Variants in PIK3C3 observed in about 807,000 individuals in gnomAD.
PIK3C3 encodes the protein phosphatidylinositol 3-kinase catalytic subunit type 3.
A neutral mutation model predicts 126.1 loss-of-function variants in PIK3C3; 95 were observed. That is an observed-to-expected ratio of 0.75 (90% confidence interval 0.64 to 0.89). The LOEUF is 0.89. PIK3C3 is among the 40% of genes least tolerant of loss of function. PIK3C3 has a pLI of 0.00. For synonymous variants in PIK3C3, 374 were observed against 360.0 expected (o/e 1.04, Z -0.44); for missense variants, 829 against 1,063.2 (o/e 0.78, Z 3.06).
At chr18:41,961,289 C>CT (rs1183491879) in intron 2 of PIK3C3, among the ~76,000 whole-genome samples, 18 of 152,104 alleles carry the variant, frequency 1.2e-4, no homozygotes, top group African/African-American at 4.3e-4. Flanking sequence ...TGTTAATTAA[C>CT]TTCTGTGGTT....
chr18:42,034,017 G>A, intron 16 of PIK3C3, 60 bp downstream of exon 16: 1 of 1,206,378 alleles, frequency 8.3e-7, no homozygotes, highest in Non-Finnish European at 1.2e-6. Flanking sequence ...CTAGATCAGA[G>A]ATACTACCTT....
In PIK3C3 at chr18:41,995,922, T is replaced by C. The variant is rs1982001622; in HGVS notation, c.819T>C (p.Leu273=). ...ENLVESKHHK[L]ARSLRSGPSD... is the part of the protein sequence containing the mutation. Reference sequence around the variant, plus strand: ...TAGTTGAGAGCAAACACCACAAGCTTGCCCGGAGTTTAAGAAGTGGACCTT... The same window carrying C: ...TAGTTGAGAGCAAACACCACAAGCTCGCCCGGAGTTTAAGAAGTGGACCTT... The change falls in exon 8 of 25, where the codon CTT becomes CTC. Residue 273 remains leucine, a synonymous_variant. Transcript: ENST00000262039. 1.9e-6 allele frequency: 3 copies of C among 1,613,058 alleles called. No individual in the cohort carries two copies. The East Asian group carries it at 6.7e-5, about 36-fold the overall frequency.
chr18:41,986,516 A>G (rs1317463937), intron 4 of PIK3C3, among the ~76,000 whole-genome samples: 2 of 152,022 alleles, frequency 1.3e-5, no homozygotes, highest in Non-Finnish European at 2.9e-5. Context: ...CTTGAATTTT[A>G]TTGATGTGGG....
At position 42,067,459 on chromosome 18, in the gene PIK3C3, G is replaced by C. The variant is rs1305165271; in HGVS notation, c.2595G>C (p.Glu865Asp). ...ATTACATGCAGAGTCTGATTGATGAGAGTGTCCATGCTCTTTTTGCTGCAG... is the reference window on the plus strand; with the variant it reads ...ATTACATGCAGAGTCTGATTGATGACAGTGTCCATGCTCTTTTTGCTGCAG... ...AVHYMQSLID[E>D]SVHALFAAVV... Residue 865 changes from glutamate (E) to aspartate (D), a missense_variant, in exon 24 of 25, where the codon GAG (glutamate) becomes GAC (aspartate). By Grantham distance (45) the Glu-to-Asp change is conservative (BLOSUM62 2). Around this residue, in one of 4 missense-constraint regions of PIK3C3, gnomAD observed 196 missense variants for 312.8 expected, o/e 0.63. Coordinates refer to ENST00000262039, the MANE Select transcript of PIK3C3 (RefSeq NM_002647.4). 1 of 1,614,150 alleles carries C rather than the reference G, an allele frequency of 6.2e-7. No homozygotes were observed. Among genetic ancestry groups the C allele is most frequent in the South Asian group, 1.1e-5 (1 of 91,080 alleles).
rs1188746669 is a variant in PIK3C3 at position 42,081,664 on chromosome 18, T to A, written c.*527T>A. On this transcript the variant is annotated 3_prime_UTR_variant, in exon 25 of 25. Transcript: ENST00000262039. ...GTTCTACTTAAAATTTTTCTTCAAG[T>A]TTTACATGTGATGGCTCATTCTTCT... The A allele has an allele frequency of 6.5e-6, 1 of 152,844 alleles. No individual in the cohort carries two copies. Among genetic ancestry groups the A allele is most frequent in the African/African-American group, 2.4e-5 (1 of 41,490 alleles). The allele number at this position is 152,844 out of a possible 1,614,324, so 9.5% of individuals were successfully genotyped here. A position where few individuals can be genotyped will look rare whatever the true frequency, so the allele number is the denominator to read the frequency against.
chr18:41,990,070 A>C (rs191392820), intron 5 of PIK3C3, among the ~76,000 whole-genome samples: 233 of 152,290 alleles, frequency 1.5e-3, no homozygotes, highest in Non-Finnish European at 3.0e-3. Flanking sequence ...TGGTTTAGTC[A>C]TATAAGTTAA....
intron 24 of PIK3C3, among the ~76,000 whole-genome samples, chr18:42,069,711 A>C (rs1275359772): frequency 6.6e-6 from 1 of 152,200 alleles, no homozygotes; most frequent in East Asian, 1.9e-4. Context: ...GTGTAGAAAT[A>C]TCTCTCCATC....
At chr18:42,020,828 A>G (rs1307340286) in intron 13 of PIK3C3, 123 bp downstream of exon 13, 2 of 600,200 alleles carry the variant, frequency 3.3e-6, no homozygotes, top group Admixed American at 3.2e-5. Flanking sequence ...TAGATATAGT[A>G]TTTATATCTA....
chr18:41,984,460 A>T (rs1013952096), intron 4 of PIK3C3, among the ~76,000 whole-genome samples: 1 of 152,058 alleles, frequency 6.6e-6, no homozygotes, highest in African/African-American at 2.4e-5. Context: ...TAATAAAAAA[A>T]TTTAATATAA....
chr18:42,002,295 A>G (rs182140175), intron 9 of PIK3C3, among the ~76,000 whole-genome samples: 3 of 152,324 alleles, frequency 2.0e-5, no homozygotes, highest in Admixed American at 1.3e-4. Context: ...TGGAAGGGCA[A>G]TGAGAGGTTA....
chr18:41,972,974 A>C (rs1429959574), intron 4 of PIK3C3, among the ~76,000 whole-genome samples: 6 of 152,088 alleles, frequency 3.9e-5, no homozygotes, highest in African/African-American at 2.4e-5. Context: ...CTGTACTGCG[A>C]GTCAGAGTTT....
chr18:42,024,673 G>A (rs939503297), intron 13 of PIK3C3, among the ~76,000 whole-genome samples: 5 of 152,056 alleles, frequency 3.3e-5, no homozygotes, highest in Admixed American at 1.3e-4. Context: ...AACCTCAAGT[G>A]ATTCACCCGC....
At chr18:42,051,118 G>C (rs1459929314) in intron 21 of PIK3C3, 2 of 152,264 alleles carry the variant, frequency 1.3e-5, no homozygotes, top group Non-Finnish European at 2.9e-5. Flanking sequence ...TAACAGAAGA[G>C]ACAGAAATCC....
intron 10 of PIK3C3, among the ~76,000 whole-genome samples, chr18:42,010,962 G>T (rs1982794994): frequency 6.6e-6 from 1 of 152,202 alleles, no homozygotes; most frequent in South Asian, 2.1e-4. Context: ...TTCAACTTCT[G>T]CATCTCCATC....
intron 2 of PIK3C3, among the ~76,000 whole-genome samples, chr18:41,958,020 C>CA (rs1158721761): frequency 6.6e-5 from 10 of 152,148 alleles, no homozygotes; most frequent in Admixed American, 4.6e-4. Flanking sequence ...TGACCAAAAA[C>CA]AAAAACACGT....
intron 24 of PIK3C3, among the ~76,000 whole-genome samples, chr18:42,079,241 C>T (rs1395822827): frequency 6.6e-6 from 1 of 152,064 alleles, no homozygotes. Flanking sequence ...CTTAATTGGC[C>T]TAATTTCCAT....
chr18:41,955,338 A>G lies in PIK3C3; in HGVS notation c.47A>G (p.Asp16Gly). ...CACTACATCTATAGTTGTGACCTGG[A>G]TATCAACGTCCAGCTTAAGATGTAA... is the stretch of plus-strand genomic sequence containing the variant. ...KFHYIYSCDL[D>G]INVQLKIGSL... The change falls in exon 1 of 25, where the codon GAT (aspartate) becomes GGT (glycine). Residue 16 changes from aspartate to glycine, a missense_variant. Physicochemically the swap from Asp to Gly is moderately conservative, Grantham distance 94. Coordinates refer to ENST00000262039, the MANE Select transcript of PIK3C3 (RefSeq NM_002647.4). 2 of 1,613,552 alleles carry G rather than the reference A, an allele frequency of 1.2e-6. No individual in the cohort carries two copies. Among genetic ancestry groups the G allele is most frequent in the Non-Finnish European group, 1.7e-6 (2 of 1,179,730 alleles).
At chr18:41,984,732 T>C (rs1438535825) in intron 4 of PIK3C3, 6 of 152,204 alleles carry the variant, frequency 3.9e-5, no homozygotes, top group Non-Finnish European at 7.3e-5. Context: ...AGTGGAACAA[T>C]TAATTGTATT....
chr18:41,965,835 G>A (rs961354933), intron 3 of PIK3C3, among the ~76,000 whole-genome samples: 11 of 152,140 alleles, frequency 7.2e-5, no homozygotes, highest in Non-Finnish European at 1.2e-4. Context: ...CAAATCAGTA[G>A]CACTTGTTCT....
Sources: gnomAD v4.1 joint callset for allele counts (sites outside exome capture counted in the v4.1 genomes callset) on GRCh38, gnomAD v4.1.1 for gene constraint, gnomAD v4.1.1 regional missense constraint, MANE v1.5 for transcripts, NCBI Gene and HGNC (gene_info 2026-07-23, HGNC 2026-07-21) for gene names.